Variants in AKAP6 observed in about 807,000 individuals in gnomAD.
AKAP6 encodes A-kinase anchor protein 6.
Under a neutral mutation model 188.5 loss-of-function variants are expected in AKAP6, and 58 were observed. The observed-to-expected ratio is 0.31, with a 90% CI of 0.25 to 0.38. AKAP6 has a LOEUF of 0.38. Among genes scored for constraint, AKAP6 ranks in the 10% least tolerant of loss-of-function variants. AKAP6 has a pLI of 1.00. For missense variants in AKAP6, 2,710 were observed against 2,740.0 expected, an observed-to-expected ratio of 0.99 and a Z score of 0.24; for synonymous variants, 989 against 998.6, an observed-to-expected ratio of 0.99 and a Z score of 0.18.
rs1883235224 is a variant in AKAP6 at position 32,547,134 on chromosome 14, AG to A, written c.2346+136del. 5 of 925,398 alleles carry A rather than the reference AG, an allele frequency of 5.4e-6. No individual in the cohort carries two copies. In the African/African-American group the frequency reaches 8.4e-5, roughly 16 times the overall value. The allele number at this position is 925,398 out of a possible 1,614,324, so 57.3% of individuals were successfully genotyped here. On this transcript the variant is annotated intron_variant, in intron 4 of 13. Transcript: ENST00000280979. ...AAATCTGATTCTCCAAAGAAAGAAA[AG>A]AAAAAGCACAATGATCAATGCATGT...
chr14:32,598,268 T>C (rs1235298528), intron 5 of AKAP6, among the ~76,000 whole-genome samples: 2 of 152,176 alleles, frequency 1.3e-5, no homozygotes, highest in African/African-American at 2.4e-5. Context: ...AGCAAACATA[T>C]ATATTTTGGA....
intron 7 of AKAP6, among the ~76,000 whole-genome samples, chr14:32,610,923 C>T (rs1353245674): frequency 2.0e-5 from 3 of 152,260 alleles, no homozygotes; most frequent in East Asian, 1.9e-4. Flanking sequence ...TTGTGTTTTA[C>T]TGGTGTGCCC....
intron 12 of AKAP6, among the ~76,000 whole-genome samples, chr14:32,813,406 C>T (rs2034298256): frequency 7.4e-6 from 1 of 135,788 alleles, no homozygotes; most frequent in African/African-American, 2.8e-5. Flanking sequence ...CCCCCAACCC[C>T]TTTCCCAGAG....
intron 7 of AKAP6, among the ~76,000 whole-genome samples, chr14:32,640,108 C>CT (rs1887688717): frequency 7.1e-6 from 1 of 139,932 alleles, no homozygotes; most frequent in African/African-American, 2.5e-5. Context: ...TAATATTCTT[C>CT]ATTTTTTTTA....
chr14:32,535,334 T>C (rs1357234895), intron 2 of AKAP6, among the ~76,000 whole-genome samples: 1 of 152,154 alleles, frequency 6.6e-6, no homozygotes, highest in East Asian at 1.9e-4. Flanking sequence ...ATTTGTGTGG[T>C]TTAGAAAAAG....
At chr14:32,439,214 G>T (rs1338480771) in intron 2 of AKAP6, among the ~76,000 whole-genome samples, 2 of 152,226 alleles carry the variant, frequency 1.3e-5, no homozygotes, top group African/African-American at 4.8e-5. Flanking sequence ...CACATACCCA[G>T]TGATCACATG....
At chr14:32,672,652 A>G (rs1889259837) in intron 7 of AKAP6, among the ~76,000 whole-genome samples, 2 of 152,164 alleles carry the variant, frequency 1.3e-5, no homozygotes, top group Admixed American at 1.3e-4. Flanking sequence ...ATTGGGGGTT[A>G]GGGCTTCAAC....
Position 32,433,478 on chromosome 14 carries a change from A to C in AKAP6, c.-16A>C, listed in dbSNP as rs767678232. 13 of 1,602,464 alleles carry C rather than the reference A, an allele frequency of 8.1e-6. No individual in the cohort carries two copies. The highest frequency in any genetic ancestry group is 1.0e-5 in the Non-Finnish European group (12 of 1,171,596). On this transcript the variant is annotated 5_prime_UTR_variant, in exon 2 of 14. Transcript: ENST00000280979. ...CTTTCAGCTGTTTTGGAAAGAAGTG[A>C]GGTTTAGACTTCTCCATGTTAACCA...
At chr14:32,652,853 A>G (rs1279484981) in intron 7 of AKAP6, among the ~76,000 whole-genome samples, 1 of 152,062 alleles carries the variant, frequency 6.6e-6, no homozygotes, top group African/African-American at 2.4e-5. Flanking sequence ...AGGAGTTTGA[A>G]ACCAGCCTAG....
At chr14:32,357,641 C>T (rs982724307) in intron 1 of AKAP6, among the ~76,000 whole-genome samples, 2 of 152,230 alleles carry the variant, frequency 1.3e-5, no homozygotes, top group Non-Finnish European at 2.9e-5. Context: ...TTGGCTGCTA[C>T]TAACACATGT....
intron 8 of AKAP6, among the ~76,000 whole-genome samples, chr14:32,693,979 T>C (rs1433127063): frequency 6.6e-6 from 1 of 152,162 alleles, no homozygotes; most frequent in Non-Finnish European, 1.5e-5. Flanking sequence ...TCTTTTATAG[T>C]GGTCGGGTTT....
intron 2 of AKAP6, among the ~76,000 whole-genome samples, chr14:32,459,006 G>C (rs1172692769): frequency 1.3e-5 from 2 of 152,094 alleles, no homozygotes. Flanking sequence ...TTGGTGAAAA[G>C]ATAGAGAAAA....
rs547225970 is a variant in AKAP6 at position 32,453,772 on chromosome 14, T to C, written c.324+19955T>C. 9.5e-5 allele frequency among the ~76,000 whole-genome samples: 14 copies of C among 146,950 alleles called. No homozygotes were observed. In the South Asian group the frequency reaches 3.1e-3, roughly 32 times the overall value. ...CCACTGCGCCCGGCTAATTTTTTTG[T>C]ATTTTTAGTAGAGACGGGGTTTCAC... On this transcript the variant is annotated intron_variant, in intron 2 of 13. Coordinates refer to ENST00000280979, the MANE Select transcript of AKAP6 (RefSeq NM_004274.5).
At chr14:32,794,140 TAAC>T (rs2033693187) in intron 12 of AKAP6, among the ~76,000 whole-genome samples, 1 of 152,136 alleles carries the variant, frequency 6.6e-6, no homozygotes, top group Non-Finnish European at 1.5e-5. Context: ...ACTGAAATCA[TAAC>T]AAACAGTCTA....
chr14:32,587,719 T>C (rs1052224424), intron 5 of AKAP6, among the ~76,000 whole-genome samples: 1 of 152,294 alleles, frequency 6.6e-6, no homozygotes, highest in South Asian at 2.1e-4. Flanking sequence ...GTTTTGTCTG[T>C]CCTAGTTTCC....
intron 1 of AKAP6, among the ~76,000 whole-genome samples, chr14:32,338,752 A>G (rs888763338): frequency 6.6e-6 from 1 of 152,110 alleles, no homozygotes; most frequent in Admixed American, 6.6e-5. Context: ...ATTTTTCCCC[A>G]TATGTAAGGA....
chr14:32,352,091 GTGTGTGTGTGTT>G (rs1301279029), intron 1 of AKAP6, among the ~76,000 whole-genome samples: 18 of 99,282 alleles, frequency 1.8e-4, no homozygotes, highest in Middle Eastern at 4.3e-3. Flanking sequence ...GTGTGTGTGT[GTGTGTGTGTGTT>G]TGTGTGTGTG....
Position 32,773,662 on chromosome 14 carries a change from T to C in AKAP6, c.3373-16T>C. 6.2e-7 allele frequency: 1 copy of C among 1,607,136 alleles called. No homozygotes were observed. Among genetic ancestry groups the C allele is most frequent in the Non-Finnish European group, 8.5e-7 (1 of 1,175,100 alleles). The stretch of plus-strand genomic sequence containing the variant: ...CCCTATAAACACTCATAGATTGGTT[T>C]CTCTCTATGTTGCAGTCCCTCTGTC... On this transcript the variant is annotated splice_polypyrimidine_tract_variant and intron_variant, in intron 11 of 13. Coordinates refer to ENST00000280979, the MANE Select transcript of AKAP6 (RefSeq NM_004274.5).
chr14:32,664,616 C>T (rs1329113136), intron 7 of AKAP6, among the ~76,000 whole-genome samples: 1 of 152,100 alleles, frequency 6.6e-6, no homozygotes, highest in African/African-American at 2.4e-5. Context: ...TCACATTCAT[C>T]ATACACGCAT....
Sources: gnomAD v4.1 joint callset for allele counts (sites outside exome capture counted in the v4.1 genomes callset) on GRCh38, gnomAD v4.1.1 for gene constraint, MANE v1.5 for transcripts, NCBI Gene and HGNC (gene_info 2026-07-23, HGNC 2026-07-21) for gene names.